Variants in NKAIN2 observed in about 807,000 individuals in gnomAD.
NKAIN2 encodes the protein sodium/potassium transporting ATPase interacting 2.
A neutral mutation model predicts 32.6 loss-of-function variants in NKAIN2; 14 were observed. The ratio of observed to expected loss-of-function variants is 0.43; its 90% CI spans 0.28 to 0.67. The LOEUF is 0.67. Among genes scored for constraint, NKAIN2 ranks in the 30% least tolerant of loss-of-function variants. The pLI, the probability that NKAIN2 is intolerant of heterozygous loss-of-function variation, is 0.17. For synonymous variants in NKAIN2, 80 were observed against 87.2 expected, an observed-to-expected ratio of 0.92 and a Z score of 0.46; for missense variants, 198 against 258.3, an observed-to-expected ratio of 0.77 and a Z score of 1.60.
chr6:123,875,669 T>G (rs1365753324), intron 1 of NKAIN2, among the ~76,000 whole-genome samples: 1 of 152,030 alleles, frequency 6.6e-6, no homozygotes, highest in Non-Finnish European at 1.5e-5. Flanking sequence ...TTGCCTTTTC[T>G]TTTGTAGTTT....
rs145885561 is a variant in NKAIN2, at chr6:124,313,511, C to T, written c.192+30369C>T. 2.8e-3 allele frequency among the ~76,000 whole-genome samples: 421 copies of T among 152,222 alleles called. 3 individuals carry two copies. The South Asian group carries it at 0.028, about 10-fold the overall frequency. The stretch of plus-strand genomic sequence containing the variant: ...TCGACTTTCCTCCCCAGTACAGGTG[C>T]CTAGGCTGGGAATAGGGCATGACCT... On this transcript the variant is annotated intron_variant, in intron 2 of 6. Coordinates refer to ENST00000368417, the MANE Select transcript of NKAIN2 (RefSeq NM_001040214.3).
intron 1 of NKAIN2, among the ~76,000 whole-genome samples, chr6:123,843,419 A>G (rs902932093): frequency 6.6e-6 from 1 of 152,052 alleles, no homozygotes; most frequent in Admixed American, 6.6e-5. Flanking sequence ...TTCTCCTCTC[A>G]ATGTTCAGAT....
intron 3 of NKAIN2, among the ~76,000 whole-genome samples, chr6:124,654,824 C>T (rs980786016): frequency 6.6e-6 from 1 of 152,186 alleles, no homozygotes; most frequent in African/African-American, 2.4e-5. Context: ...AGCACACCAT[C>T]AGAGGCATGC....
At chr6:123,890,511 G>A (rs2114369974) in intron 1 of NKAIN2, among the ~76,000 whole-genome samples, 1 of 152,014 alleles carries the variant, frequency 6.6e-6, no homozygotes, top group Non-Finnish European at 1.5e-5. Context: ...ATAACAAAAT[G>A]AAATGGGTTC....
At chr6:123,830,102 G>A (rs1774315327) in intron 1 of NKAIN2, among the ~76,000 whole-genome samples, 2 of 152,122 alleles carry the variant, frequency 1.3e-5, no homozygotes, top group African/African-American at 4.8e-5. Context: ...CCCGTGTGCT[G>A]TCATTATTTG....
At chr6:124,664,918 A>T (rs1339774200) in intron 4 of NKAIN2, among the ~76,000 whole-genome samples, 2 of 151,718 alleles carry the variant, frequency 1.3e-5, no homozygotes, top group Admixed American at 6.6e-5. Flanking sequence ...ACAAGAATGT[A>T]TACGTGTATC....
intron 4 of NKAIN2, among the ~76,000 whole-genome samples, chr6:124,722,971 G>A (rs763524809): frequency 9.2e-5 from 14 of 152,248 alleles, no homozygotes; most frequent in Non-Finnish European, 1.9e-4. Flanking sequence ...AAACACATGA[G>A]GAACATCTAG....
intron 2 of NKAIN2, among the ~76,000 whole-genome samples, chr6:124,339,416 T>G (rs1055059386): frequency 1.1e-4 from 17 of 152,170 alleles, no homozygotes; most frequent in African/African-American, 4.1e-4. Context: ...TTGAAATCTG[T>G]AGCAATGAGC....
At chr6:124,798,953 AAAAT>A (rs1465263101) in intron 5 of NKAIN2, among the ~76,000 whole-genome samples, 1 of 152,214 alleles carries the variant, frequency 6.6e-6, no homozygotes, top group Non-Finnish European at 1.5e-5. Flanking sequence ...AAGTATTTGC[AAAAT>A]AAATGAATGA....
chr6:124,107,360 A>G (rs1785172306), intron 1 of NKAIN2, among the ~76,000 whole-genome samples: 1 of 152,170 alleles, frequency 6.6e-6, no homozygotes, highest in African/African-American at 2.4e-5. Context: ...TAGAAAACCA[A>G]TTGTAGGAAA....
At chr6:124,464,386 AT>A (rs1254428991) in intron 3 of NKAIN2, among the ~76,000 whole-genome samples, 3 of 150,026 alleles carry the variant, frequency 2.0e-5, no homozygotes, top group Non-Finnish European at 3.0e-5. Context: ...CATTATTGCC[AT>A]TTTTTTTACT....
intron 3 of NKAIN2, among the ~76,000 whole-genome samples, chr6:124,474,957 T>C (rs915934753): frequency 6.7e-6 from 1 of 148,548 alleles, no homozygotes; most frequent in African/African-American, 2.5e-5. Flanking sequence ...TATACATATA[T>C]ATATAACGTA....
chr6:124,546,919 A>C (rs1178026297), intron 3 of NKAIN2, among the ~76,000 whole-genome samples: 1 of 152,220 alleles, frequency 6.6e-6, no homozygotes, highest in Non-Finnish European at 1.5e-5. Flanking sequence ...TGTTCTCAGC[A>C]TCACAGTCCT....
intron 1 of NKAIN2, among the ~76,000 whole-genome samples, chr6:123,983,450 C>T (rs972739455): frequency 6.6e-6 from 1 of 152,154 alleles, no homozygotes; most frequent in African/African-American, 2.4e-5. Flanking sequence ...TGTCTGCAGA[C>T]ATCTGTGCAA....
chr6:124,017,842 C>T (rs1329060544), intron 1 of NKAIN2, among the ~76,000 whole-genome samples: 1 of 152,022 alleles, frequency 6.6e-6, no homozygotes, highest in Non-Finnish European at 1.5e-5. Flanking sequence ...TCCAGGTGCA[C>T]AGTGTGAGCA....
intron 1 of NKAIN2, among the ~76,000 whole-genome samples, chr6:124,020,291 T>C (rs1322371312): frequency 6.6e-6 from 1 of 152,168 alleles, no homozygotes; most frequent in Non-Finnish European, 1.5e-5. Flanking sequence ...ATCATTCACA[T>C]CATTGATCAG....
At chr6:124,597,019 TG>T (rs1429710723) in intron 3 of NKAIN2, among the ~76,000 whole-genome samples, 2 of 152,160 alleles carry the variant, frequency 1.3e-5, no homozygotes, top group African/African-American at 4.8e-5. Context: ...CTCAGCCTTT[TG>T]GTTCTAATCA....
At chr6:124,216,795 A>G (rs7762858) in intron 1 of NKAIN2, among the ~76,000 whole-genome samples, 115 of 152,326 alleles carry the variant, frequency 7.5e-4, no homozygotes, top group African/African-American at 2.5e-3. Flanking sequence ...ACATAAATAT[A>G]TTGACAAATA....
intron 3 of NKAIN2, among the ~76,000 whole-genome samples, chr6:124,530,041 G>C (rs1363971149): frequency 1.3e-5 from 2 of 152,170 alleles, no homozygotes; most frequent in African/African-American, 4.8e-5. Flanking sequence ...CCCATGTGAA[G>C]ATATGTATTA....
Sources: allele counts gnomAD v4.1 joint callset (sites outside exome capture counted in the v4.1 genomes callset), GRCh38; gene constraint gnomAD v4.1.1; transcripts MANE v1.5; gene names NCBI Gene and HGNC (gene_info 2026-07-23, HGNC 2026-07-21).